PPP1R9A: variants seen among roughly 807,000 people sequenced by gnomAD.
The protein encoded by PPP1R9A is neurabin-1.
PPP1R9A carries 59 observed loss-of-function variants against 141.9 expected under a neutral mutation model. The observed-to-expected ratio is 0.42, with a 90% CI of 0.34 to 0.52. The LOEUF (loss-of-function observed/expected upper bound fraction) is 0.52, where lower values mean the gene tolerates loss of function less well. PPP1R9A is among the 20% of genes least tolerant of loss of function. The pLI is 0.10. For synonymous variants in PPP1R9A, 500 were observed against 569.7 expected (o/e 0.88, Z 1.74); for missense variants, 1,444 against 1,611.9 (o/e 0.90, Z 1.78).
At chr7:95,212,822 A>G (rs1162863109) in intron 7 of PPP1R9A, among the ~76,000 whole-genome samples, 1 of 152,200 alleles carries the variant, frequency 6.6e-6, no homozygotes, top group African/African-American at 2.4e-5. Flanking sequence ...CTGGGTTTCT[A>G]AGGTATATCC....
chr7:94,954,272 G>A (rs1028951906), intron 2 of PPP1R9A, among the ~76,000 whole-genome samples: 1 of 151,454 alleles, frequency 6.6e-6, no homozygotes. Flanking sequence ...GATTTCTATT[G>A]TTTACTCCTT....
chr7:95,098,383 T>C (rs1283116926), intron 2 of PPP1R9A: 1 of 136,702 alleles, frequency 7.3e-6, no homozygotes, highest in African/African-American at 2.9e-5. Flanking sequence ...TAAAAATAAA[T>C]AAATAAAAAA....
chr7:95,189,593 C>T (rs1362571936), intron 5 of PPP1R9A, among the ~76,000 whole-genome samples: 4 of 151,138 alleles, frequency 2.6e-5, no homozygotes, highest in South Asian at 4.2e-4. Flanking sequence ...CCCGCCACTA[C>T]GCCCGGCTAA....
intron 2 of PPP1R9A, among the ~76,000 whole-genome samples, chr7:95,006,620 A>T (rs915435208): frequency 6.6e-6 from 1 of 152,230 alleles, no homozygotes; most frequent in Non-Finnish European, 1.5e-5. Context: ...TATTTCTGCA[A>T]CACAGGAAAT....
intron 2 of PPP1R9A, among the ~76,000 whole-genome samples, chr7:95,034,340 A>C (rs571081989): frequency 2.6e-5 from 4 of 151,504 alleles, no homozygotes; most frequent in Non-Finnish European, 4.4e-5. Flanking sequence ...GCATTAATTA[A>C]AAAAATATTC....
rs1485982498 is a variant in PPP1R9A, at chr7:95,007,859, G to T, written c.1395+96351G>T. Among the ~76,000 whole-genome samples, 6 of 152,212 alleles carry T rather than the reference G, an allele frequency of 3.9e-5. No individual in the cohort carries two copies. The East Asian group carries it at 9.7e-4, about 25-fold the overall frequency. The stretch of plus-strand genomic sequence containing the variant: ...GGCCGAGGCGGGCGGATCACCTGAG[G>T]TCAGGAGCTCGAGACCAACCTGATC... On this transcript the variant is annotated intron_variant, in intron 2 of 19. Transcript: ENST00000433360.
intron 7 of PPP1R9A, among the ~76,000 whole-genome samples, chr7:95,215,801 C>T (rs1793253766): frequency 6.6e-6 from 1 of 152,122 alleles, no homozygotes; most frequent in African/African-American, 2.4e-5. Context: ...TATCCTTCGC[C>T]CACTTTTTGA....
intron 12 of PPP1R9A, among the ~76,000 whole-genome samples, chr7:95,253,793 CAG>C (rs1799210171): frequency 6.6e-6 from 1 of 151,856 alleles, no homozygotes; most frequent in African/African-American, 2.4e-5. Flanking sequence ...AGAAAAACAT[CAG>C]GAATCAAACC....
At chr7:95,215,742 A>G (rs530288768) in intron 7 of PPP1R9A, among the ~76,000 whole-genome samples, 1 of 152,234 alleles carries the variant, frequency 6.6e-6, no homozygotes, top group South Asian at 2.1e-4. Context: ...GCATTTTTTC[A>G]TATGTCTGTT....
chr7:95,106,244 T>C (rs1819498745), intron 2 of PPP1R9A, among the ~76,000 whole-genome samples: 1 of 152,202 alleles, frequency 6.6e-6, no homozygotes, highest in South Asian at 2.1e-4. Context: ...CATTTTATTT[T>C]CCTAATACTC....
chr7:95,238,951 CTT>C (rs1389368542), intron 8 of PPP1R9A, among the ~76,000 whole-genome samples: 1 of 152,056 alleles, frequency 6.6e-6, no homozygotes, highest in Non-Finnish European at 1.5e-5. Context: ...TTCATTTTCT[CTT>C]TGACTTGAAC....
intron 10 of PPP1R9A, among the ~76,000 whole-genome samples, chr7:95,251,071 T>C (rs1798807491): frequency 6.6e-6 from 1 of 152,244 alleles, no homozygotes; most frequent in African/African-American, 2.4e-5. Flanking sequence ...AGAATGTTTT[T>C]AATATTTAAA....
At chr7:95,179,716 A>G (rs1158648530) in intron 5 of PPP1R9A, among the ~76,000 whole-genome samples, 1 of 150,778 alleles carries the variant, frequency 6.6e-6, no homozygotes, top group Non-Finnish European at 1.5e-5. Context: ...TATCTCTTCT[A>G]TATACCAGTA....
chr7:95,277,999 T>C (rs1324700015), intron 16 of PPP1R9A, among the ~76,000 whole-genome samples: 16 of 152,092 alleles, frequency 1.1e-4, no homozygotes, highest in Non-Finnish European at 1.5e-5. Context: ...GGTGATAGTA[T>C]GTTGAGAAAA....
intron 16 of PPP1R9A, among the ~76,000 whole-genome samples, chr7:95,283,285 A>G (rs1804622555): frequency 6.6e-6 from 1 of 152,252 alleles, no homozygotes; most frequent in Admixed American, 6.5e-5. Flanking sequence ...ATAAACATAG[A>G]CCATTGACAA....
chr7:94,972,567 G>T (rs1439882531), intron 2 of PPP1R9A, among the ~76,000 whole-genome samples: 3 of 152,134 alleles, frequency 2.0e-5, no homozygotes, highest in Non-Finnish European at 4.4e-5. Flanking sequence ...GTGAATAATA[G>T]ATTTATGATT....
At chr7:95,070,847 T>C (rs909085922) in intron 2 of PPP1R9A, among the ~76,000 whole-genome samples, 1 of 151,906 alleles carries the variant, frequency 6.6e-6, no homozygotes, top group Admixed American at 6.6e-5. Context: ...AGTCATTATA[T>C]GTATTCTATC....
chr7:95,236,800 G>T, intron 8 of PPP1R9A, among the ~76,000 whole-genome samples: 1 of 150,760 alleles, frequency 6.6e-6, no homozygotes, highest in Admixed American at 6.6e-5. Flanking sequence ...CTTACATTCT[G>T]ACACCTGTAC....
chr7:95,149,386 A>G (rs927896057), intron 4 of PPP1R9A, among the ~76,000 whole-genome samples: 5 of 152,184 alleles, frequency 3.3e-5, no homozygotes, highest in African/African-American at 1.2e-4. Context: ...ATGCAGTAGG[A>G]TAAGAAAAAT....
Sources: allele counts gnomAD v4.1 joint callset (sites outside exome capture counted in the v4.1 genomes callset), GRCh38; gene constraint gnomAD v4.1.1; transcripts MANE v1.5; gene names NCBI Gene and HGNC (gene_info 2026-07-23, HGNC 2026-07-21).